SMARCAD1: variants seen among roughly 807,000 people sequenced by gnomAD.
SMARCAD1 encodes the protein SNF2 related chromatin remodeling ATPase with DExD box 1, also known as SWI/SNF-related matrix-associated actin-dependent regulator of chromatin subfamily A containing DEAD/H box 1.
A neutral mutation model predicts 127.1 loss-of-function variants in SMARCAD1; 25 were observed. The observed-to-expected ratio is 0.20, with a 90% CI of 0.14 to 0.27. The LOEUF (loss-of-function observed/expected upper bound fraction) is 0.27, where lower values mean the gene tolerates loss of function less well. SMARCAD1 is among the 10% of genes least tolerant of loss of function. The pLI, the probability that SMARCAD1 is intolerant of heterozygous loss-of-function variation, is 1.00. For missense variants in SMARCAD1, 807 were observed against 1,206.0 expected (o/e 0.67, Z 4.90); for synonymous variants, 400 against 396.9 (o/e 1.01, Z -0.09).
chr4:94,262,393 C>T lies in SMARCAD1; in HGVS notation c.1282-2314C>T, dbSNP rs146764169. Among the ~76,000 whole-genome samples, 7 of 152,290 alleles carry T rather than the reference C, an allele frequency of 4.6e-5. No individual in the cohort carries two copies. In the East Asian group the frequency reaches 7.7e-4, roughly 17 times the overall value. ...TTAATGGGTTCTACCTCCTGAAGAT[C>T]GTGAATCTTATCAGTTTCTCCGTGT... is the stretch of plus-strand genomic sequence containing the variant. On this transcript the variant is annotated intron_variant, in intron 9 of 23. Coordinates refer to ENST00000354268, the MANE Select transcript of SMARCAD1 (RefSeq NM_020159.5).
At chr4:94,248,693 C>A (rs896354280) in intron 6 of SMARCAD1, 5 of 349,808 alleles carry the variant, frequency 1.4e-5, no homozygotes, top group Admixed American at 7.2e-5. Context: ...CCCAAGTAGA[C>A]CACTTAGTAT....
intron 2 of SMARCAD1, among the ~76,000 whole-genome samples, chr4:94,214,613 G>C (rs1166034442): frequency 6.6e-6 from 1 of 152,120 alleles, no homozygotes; most frequent in East Asian, 1.9e-4. Flanking sequence ...GGGAAGGACT[G>C]AGGGAGGGAG....
intron 16 of SMARCAD1, among the ~76,000 whole-genome samples, chr4:94,277,843 A>T (rs1214177871): frequency 3.3e-5 from 5 of 152,174 alleles, no homozygotes; most frequent in African/African-American, 1.2e-4. Context: ...CTTAATGTAC[A>T]GTGTTTTAAA....
chr4:94,277,280 G>A (rs1002017619), intron 16 of SMARCAD1, 121 bp downstream of exon 16: 1 of 1,129,072 alleles, frequency 8.9e-7, no homozygotes, highest in Non-Finnish European at 1.3e-6. Flanking sequence ...ACTTTAAGTA[G>A]GTGATAACTC....
intron 14 of SMARCAD1, 107 bp from the exon 15 acceptor site, chr4:94,276,232 C>T (rs1579324777): frequency 8.6e-7 from 1 of 1,166,152 alleles, no homozygotes. Context: ...TAAGTACTGG[C>T]TGTTAGAAAT....
intron 5 of SMARCAD1, 136 bp downstream of exon 5, chr4:94,237,154 T>C: frequency 1.3e-6 from 1 of 746,796 alleles, no homozygotes; most frequent in South Asian, 1.6e-5. Flanking sequence ...ATTAATAGTT[T>C]CACTGTTTTT....
intron 6 of SMARCAD1, among the ~76,000 whole-genome samples, chr4:94,241,821 A>G (rs888369239): frequency 1.3e-5 from 2 of 152,140 alleles, no homozygotes; most frequent in Admixed American, 6.5e-5. Flanking sequence ...GTTGACTTGC[A>G]TGCACAGACT....
chr4:94,267,960 ATGT>A (rs1271567347), intron 10 of SMARCAD1, among the ~76,000 whole-genome samples: 9 of 152,136 alleles, frequency 5.9e-5, no homozygotes, highest in Admixed American at 6.6e-5. Context: ...CTATTTTTAA[ATGT>A]TGTTATAATA....
intron 10 of SMARCAD1, among the ~76,000 whole-genome samples, chr4:94,268,248 G>A (rs1403416986): frequency 6.6e-6 from 1 of 152,090 alleles, no homozygotes; most frequent in Non-Finnish European, 1.5e-5. Flanking sequence ...TTAAAAATCT[G>A]TGTAGTTTTT....
At chr4:94,222,986 A>G (rs532818185) in intron 2 of SMARCAD1, among the ~76,000 whole-genome samples, 145 of 151,790 alleles carry the variant, frequency 9.6e-4, no homozygotes, top group Non-Finnish European at 1.9e-3. Flanking sequence ...TAAAATAAAA[A>G]TTGTTATGTC....
chr4:94,283,943 T>G (rs1419357064), intron 22 of SMARCAD1, among the ~76,000 whole-genome samples: 1 of 152,202 alleles, frequency 6.6e-6, no homozygotes, highest in Non-Finnish European at 1.5e-5. Context: ...CTTGCTGGGC[T>G]GTCCTGTTAC....
intron 19 of SMARCAD1, among the ~76,000 whole-genome samples, chr4:94,279,393 G>A (rs1753711554): frequency 6.6e-6 from 1 of 152,090 alleles, no homozygotes; most frequent in Non-Finnish European, 1.5e-5. Context: ...GCCCGCCTTG[G>A]CCTCCCAAAG....
At position 94,208,376 on chromosome 4, in the gene SMARCAD1, G is replaced by T; in HGVS notation, c.-19G>T. The T allele has an allele frequency of 6.2e-7, 1 of 1,613,136 alleles. No homozygotes were observed. The highest frequency in any genetic ancestry group is 8.5e-7 in the Non-Finnish European group (1 of 1,179,376). The stretch of plus-strand genomic sequence containing the variant: ...TCATTTAAAGCCCCCATCCCTGCAA[G>T]GTGGTGCTTTCTACCAATATGAATC... On this transcript the variant is annotated 5_prime_UTR_variant, in exon 2 of 24. In the 5' UTR this introduces an upstream ATG that the reference lacks. Coordinates refer to ENST00000354268, the MANE Select transcript of SMARCAD1 (RefSeq NM_020159.5).
chr4:94,268,476 T>G (rs998747731), intron 10 of SMARCAD1, among the ~76,000 whole-genome samples: 1 of 152,198 alleles, frequency 6.6e-6, no homozygotes, highest in African/African-American at 2.4e-5. Context: ...CAAGTTTCAT[T>G]AGTCGTAAAT....
At chr4:94,211,523 A>G (rs183497331) in intron 2 of SMARCAD1, among the ~76,000 whole-genome samples, 8 of 152,320 alleles carry the variant, frequency 5.3e-5, no homozygotes, top group Admixed American at 2.6e-4. Flanking sequence ...TTGTGGGATA[A>G]TGCTGCGTTA....
At chr4:94,270,040 A>C (rs1467051389) in intron 10 of SMARCAD1, among the ~76,000 whole-genome samples, 3 of 151,684 alleles carry the variant, frequency 2.0e-5, no homozygotes, top group Non-Finnish European at 4.4e-5. Flanking sequence ...ATATGTTTCC[A>C]AATTAAATAA....
At chr4:94,245,617 T>G (rs1209868668) in intron 6 of SMARCAD1, among the ~76,000 whole-genome samples, 1 of 152,228 alleles carries the variant, frequency 6.6e-6, no homozygotes, top group Non-Finnish European at 1.5e-5. Flanking sequence ...TCAGATAACC[T>G]GTTTTTTGCC....
chr4:94,265,054 A>G (rs567045092), intron 10 of SMARCAD1, 148 bp downstream of exon 10: 4 of 705,608 alleles, frequency 5.7e-6, no homozygotes, highest in East Asian at 2.7e-5. Flanking sequence ...TAAGTGGACT[A>G]TGAACTGTTT....
intron 21 of SMARCAD1, among the ~76,000 whole-genome samples, chr4:94,282,100 G>GTTTTTGTT (rs1754137129): frequency 1.3e-5 from 1 of 74,966 alleles, no homozygotes; most frequent in Non-Finnish European, 2.3e-5. Context: ...ACGTTTTTTT[G>GTTTTTGTT]TTTTTTTTTT....
Sources: allele counts gnomAD v4.1 joint callset (sites outside exome capture counted in the v4.1 genomes callset), GRCh38; gene constraint gnomAD v4.1.1; transcripts MANE v1.5; gene names NCBI Gene and HGNC (gene_info 2026-07-23, HGNC 2026-07-21).